The following EXPH5 variants were observed in gnomAD, a reference collection of about 807,000 sequenced individuals.
The protein encoded by EXPH5 is exophilin 5, also known as exophilin-5.
Under a neutral mutation model 41.1 loss-of-function variants are expected in EXPH5, and 42 were observed. The ratio of observed to expected loss-of-function variants is 1.02; its 90% CI spans 0.80 to 1.32. The LOEUF (loss-of-function observed/expected upper bound fraction) is 1.32, where lower values mean the gene tolerates loss of function less well. EXPH5 is among the 40% of genes most tolerant of loss of function. The pLI, the probability that EXPH5 is intolerant of heterozygous loss-of-function variation, is 0.00. For synonymous variants in EXPH5, 798 were observed against 833.5 expected (o/e 0.96, Z 0.73); for missense variants, 2,298 against 2,314.5 (o/e 0.99, Z 0.15).
chr11:108,595,559 C>T (rs2094137682), upstream of EXPH5, among the ~76,000 whole-genome samples: 1 of 152,188 alleles, frequency 6.6e-6, no homozygotes, highest in African/African-American at 2.4e-5. Context: ...GGAGCATGTT[C>T]ATGGATTGTT....
Position 108,593,628 on chromosome 11 carries a change from T to C in EXPH5, c.-92A>G, listed in dbSNP as rs749591663. ...CCTGTACAAGACCAGTTTCACGAAC[T>C]TGATCCCACAGCCAATAATAAGTCC... is the stretch of plus-strand genomic sequence containing the variant. On this transcript the variant is annotated 5_prime_UTR_variant, in exon 1 of 6. Transcript: ENST00000265843. 36 of 1,604,456 alleles carry C rather than the reference T, an allele frequency of 2.2e-5. No homozygotes were observed. The highest frequency in any genetic ancestry group is 2.8e-5 in the Non-Finnish European group (33 of 1,174,744).
chr11:108,531,148 C>T (rs1464172083), intron 3 of EXPH5, among the ~76,000 whole-genome samples: 2 of 152,204 alleles, frequency 1.3e-5, no homozygotes, highest in African/African-American at 4.8e-5. Flanking sequence ...TTCACCACCT[C>T]CAGTCATTCT....
intron 2 of EXPH5, among the ~76,000 whole-genome samples, chr11:108,541,333 G>A (rs1479271382): frequency 6.6e-6 from 1 of 152,124 alleles, no homozygotes; most frequent in Non-Finnish European, 1.5e-5. Flanking sequence ...GACTTGGACA[G>A]ACTCGCATGA....
chr11:108,586,846 G>C (rs1276342047), intron 1 of EXPH5, among the ~76,000 whole-genome samples: 1 of 151,832 alleles, frequency 6.6e-6, no homozygotes, highest in African/African-American at 2.4e-5. Context: ...CCTGTGATCT[G>C]TTAATATTTG....
chr11:108,572,031 C>T (rs1407918153), intron 1 of EXPH5, among the ~76,000 whole-genome samples: 1 of 144,458 alleles, frequency 6.9e-6, no homozygotes, highest in Non-Finnish European at 1.5e-5. Flanking sequence ...GCCTGGGTGA[C>T]AGAGCGAGAC....
chr11:108,577,483 G>A (rs1464680907), intron 1 of EXPH5, among the ~76,000 whole-genome samples: 1 of 151,884 alleles, frequency 6.6e-6, no homozygotes, highest in Non-Finnish European at 1.5e-5. Flanking sequence ...GAGTGCAATG[G>A]CGCGATCTCG....
chr11:108,513,160 T>C lies in EXPH5; in HGVS notation c.2347A>G (p.Ile783Val). 1.9e-6 allele frequency: 3 copies of C among 1,614,110 alleles called. No homozygotes were observed. Among genetic ancestry groups the C allele is most frequent in the Non-Finnish European group, 2.5e-6 (3 of 1,180,014 alleles). Residue 783 changes from isoleucine to valine, a missense_variant, in exon 6 of 6, where the codon ATA (isoleucine) becomes GTA (valine). By Grantham distance (29) the Ile-to-Val change is conservative. Coordinates refer to ENST00000265843, the MANE Select transcript of EXPH5 (RefSeq NM_015065.3). ...TCATTGGATTTATCTGTGTGCGGTATATACATTTTGGAGGTATCTTTCCTG... is the reference window on the plus strand; with the variant it reads ...TCATTGGATTTATCTGTGTGCGGTACATACATTTTGGAGGTATCTTTCCTG... Reference protein sequence around the residue: ...FSRKDTSKMYIPHTDKSNDIK... With the variant: ...FSRKDTSKMYVPHTDKSNDIK...
Position 108,513,849 on chromosome 11 carries a change from A to G in EXPH5, c.1658T>C (p.Phe553Ser), listed in dbSNP as rs752398885. The change falls in exon 6 of 6, where the codon TTT becomes TCT. Residue 553 changes from phenylalanine (F) to serine (S), a missense_variant. Coordinates refer to ENST00000265843, the MANE Select transcript of EXPH5 (RefSeq NM_015065.3). ...RGQEEPHPWQFDFQRSTLDSM... is the reference protein window; with the variant it reads ...RGQEEPHPWQSDFQRSTLDSM... ...ATCCAGTGTGGATCTCTGAAAATCA[A>G]ACTGCCAAGGATGTGGCTCTTCTTG... 7 of 1,570,508 alleles carry G rather than the reference A, an allele frequency of 4.5e-6. No homozygotes were observed. The Admixed American group carries it at 1.2e-4, about 27-fold the overall frequency.
chr11:108,521,834 A>G (rs1309207670), intron 4 of EXPH5, among the ~76,000 whole-genome samples: 3 of 152,212 alleles, frequency 2.0e-5, no homozygotes, highest in Admixed American at 1.3e-4. Context: ...TTCTCTCTCG[A>G]CCATTTAACA....
At chr11:108,604,880 T>A in the EXPH5 span, among the ~76,000 whole-genome samples, 19 of 152,114 alleles carry the variant, frequency 1.2e-4, no homozygotes, top group African/African-American at 4.3e-4. Context: ...GGTCTGTAAG[T>A]GTACAGGAAA....
chr11:108,563,960 G>A (rs2094023675), intron 1 of EXPH5, among the ~76,000 whole-genome samples: 1 of 152,272 alleles, frequency 6.6e-6, no homozygotes, highest in South Asian at 2.1e-4. Flanking sequence ...GACTGCCTTT[G>A]TTTGTATCCA....
intron 5 of EXPH5, among the ~76,000 whole-genome samples, chr11:108,517,279 T>G (rs1395924732): frequency 2.6e-5 from 4 of 152,226 alleles, no homozygotes; most frequent in Non-Finnish European, 5.9e-5. Flanking sequence ...TTCATTATTT[T>G]TTCATTCCAT....
At position 108,575,779 on chromosome 11, in the gene EXPH5, G is replaced by A. The variant is rs144422511; in HGVS notation, c.119+17639C>T. 7.6e-4 allele frequency among the ~76,000 whole-genome samples: 115 copies of A among 152,248 alleles called. 1 individual carries two copies. In the East Asian group the frequency reaches 0.02, roughly 27 times the overall value. On this transcript the variant is annotated intron_variant, in intron 1 of 5. Coordinates refer to ENST00000265843, the MANE Select transcript of EXPH5 (RefSeq NM_015065.3). The stretch of plus-strand genomic sequence containing the variant: ...ACTTGAGGTCAGGAGTTCAAGAACA[G>A]CCTGACCAACATGGCAAAAACCCAT...
In EXPH5 at chr11:108,513,162, T is replaced by C. The variant is rs534222810; in HGVS notation, c.2345A>G (p.Tyr782Cys). The change falls in exon 6 of 6, where the codon TAT (tyrosine) becomes TGT (cysteine). Residue 782 changes from tyrosine (Y) to cysteine (C), a missense_variant. Tyr to Cys is a radical substitution (Grantham distance 194). Transcript: ENST00000265843. Reference sequence around the variant, plus strand: ...ATTGGATTTATCTGTGTGCGGTATATACATTTTGGAGGTATCTTTCCTGGA... The same window carrying C: ...ATTGGATTTATCTGTGTGCGGTATACACATTTTGGAGGTATCTTTCCTGGA... ...VFSRKDTSKMYIPHTDKSNDI... is the reference protein window; with the variant it reads ...VFSRKDTSKMCIPHTDKSNDI... 3 of 1,614,114 alleles carry C rather than the reference T, an allele frequency of 1.9e-6. No individual in the cohort carries two copies. The highest frequency in any genetic ancestry group is 1.7e-5 in the Admixed American group (1 of 60,006).
chr11:108,579,756 C>G (rs1358487757), intron 1 of EXPH5, among the ~76,000 whole-genome samples: 1 of 152,154 alleles, frequency 6.6e-6, no homozygotes, highest in Non-Finnish European at 1.5e-5. Flanking sequence ...CCACTATACC[C>G]TGATTTGGAC....
intron 4 of EXPH5, among the ~76,000 whole-genome samples, chr11:108,522,192 T>G (rs981610195): frequency 7.4e-6 from 1 of 135,674 alleles, no homozygotes; most frequent in African/African-American, 3.3e-5. Context: ...GGTTAGTGAT[T>G]TTTTTTTTTT....
intron 1 of EXPH5, among the ~76,000 whole-genome samples, chr11:108,553,372 A>G (rs1225028304): frequency 1.3e-5 from 2 of 152,166 alleles, no homozygotes; most frequent in Non-Finnish European, 2.9e-5. Flanking sequence ...GTCACCCTTT[A>G]CCAATAGTCA....
intron 1 of EXPH5, among the ~76,000 whole-genome samples, chr11:108,547,541 C>T (rs1171278783): frequency 6.6e-6 from 1 of 152,090 alleles, no homozygotes; most frequent in South Asian, 2.1e-4. Context: ...ATACATACTA[C>T]CAAAATAACT....
At chr11:108,552,209 C>T (rs185749693) in intron 1 of EXPH5, 7 of 152,116 alleles carry the variant, frequency 4.6e-5, no homozygotes, top group East Asian at 1.9e-4. Context: ...CTTTATCATC[C>T]GGGGCCTGGT....
Sources: gnomAD v4.1 joint callset for allele counts (sites outside exome capture counted in the v4.1 genomes callset) on GRCh38, gnomAD v4.1.1 for gene constraint, MANE v1.5 for transcripts, NCBI Gene and HGNC (gene_info 2026-07-23, HGNC 2026-07-21) for gene names.